Variants in IL31RA observed in about 807,000 individuals in gnomAD.
The protein encoded by IL31RA is interleukin 31 receptor A.
In IL31RA, 66 loss-of-function variants were observed where a neutral mutation model predicts 83.7. The observed-to-expected ratio is 0.79, with a 90% confidence interval of 0.65 to 0.97. IL31RA has a LOEUF of 0.97. Among genes scored for constraint, IL31RA ranks in the 50% least tolerant of loss-of-function variants. The probability of loss-of-function intolerance (pLI) is 0.00; values close to 1 mark genes in which losing one functional copy is unlikely to be tolerated. For synonymous variants in IL31RA, 325 were observed against 329.0 expected (o/e 0.99, Z 0.13); for missense variants, 798 against 919.4 (o/e 0.87, Z 1.71).
Position 55,919,386 on chromosome 5 carries a change from G to C in IL31RA, c.*2266G>C, listed in dbSNP as rs1271061937. Among the ~76,000 whole-genome samples the C allele has an allele frequency of 3.9e-5, 6 of 152,228 alleles. No homozygotes were observed. The East Asian group carries it at 1.2e-3, about 29-fold the overall frequency. On this transcript the variant is annotated 3_prime_UTR_variant, in exon 15 of 15. Transcript: ENST00000652347. ...AATGGATCCCCAATGGCTCCTGTGA[G>C]TGGATTCCAGAGATAAGGATGTTGC... is the stretch of plus-strand genomic sequence containing the variant.
chr5:55,875,554 G>A (rs1746795654), intron 4 of IL31RA, among the ~76,000 whole-genome samples: 1 of 151,828 alleles, frequency 6.6e-6, no homozygotes, highest in African/African-American at 2.4e-5. Context: ...ACCTCCCTTT[G>A]GAAGACTTAC....
chr5:55,876,647 G>A (rs1186974525), intron 4 of IL31RA, among the ~76,000 whole-genome samples: 1 of 151,814 alleles, frequency 6.6e-6, no homozygotes, highest in African/African-American at 2.4e-5. Flanking sequence ...GCTCTCTTTT[G>A]TTTACTATTT....
chr5:55,901,383 T>C (rs1177044623), intron 8 of IL31RA, among the ~76,000 whole-genome samples: 4 of 152,060 alleles, frequency 2.6e-5, no homozygotes, highest in African/African-American at 9.7e-5. Context: ...GCATGGGCTT[T>C]GGAGTCCAGC....
rs1561128642 is a variant in IL31RA, at chr5:55,916,713, AC to A, written c.1893del (p.Ser632ValfsTer5). On this transcript the variant is annotated frameshift_variant, in exon 15 of 15. Coordinates refer to ENST00000652347, the MANE Select transcript of IL31RA (RefSeq NM_139017.7). LOFTEE classifies it low-confidence loss of function (END_TRUNC). ...TEDRILKPCS[T>X]PSDKLVIDKL... ...AGACAGGATCTTAAAACCATGTTCCACCCCCAGTGACAAGTTGGTGATTGAC... is the reference window on the plus strand; with the variant it reads ...AGACAGGATCTTAAAACCATGTTCCACCCCAGTGACAAGTTGGTGATTGAC... The A allele has an allele frequency of 6.2e-7, 1 of 1,613,956 alleles. No homozygotes were observed. The highest frequency in any genetic ancestry group is 8.5e-7 in the Non-Finnish European group (1 of 1,179,974).
chr5:55,851,694 G>A (rs1442197090), intron 1 of IL31RA, 61 bp downstream of exon 1: 2 of 1,613,454 alleles, frequency 1.2e-6, no homozygotes, highest in Non-Finnish European at 1.7e-6. Context: ...TCACAAATAA[G>A]GAAGCTGTGA....
chr5:55,857,600 T>C (rs1489446549), intron 1 of IL31RA, among the ~76,000 whole-genome samples: 2 of 152,216 alleles, frequency 1.3e-5, no homozygotes, highest in South Asian at 4.1e-4. Flanking sequence ...ATACTTACTA[T>C]GTGATATATG....
intron 4 of IL31RA, among the ~76,000 whole-genome samples, chr5:55,880,187 A>G (rs1156555290): frequency 6.6e-6 from 1 of 152,254 alleles, no homozygotes; most frequent in African/African-American, 2.4e-5. Flanking sequence ...TAATATGTCT[A>G]TTGTATACAG....
At chr5:55,896,467 C>CCCCTTCCCTCCTTTCCCT in intron 7 of IL31RA, 38 bp downstream of exon 7, 3 of 1,358,770 alleles carry the variant, frequency 2.2e-6, no homozygotes, top group South Asian at 1.2e-5. Context: ...TCTCTTTCTT[C>CCCCTTCCCTCCTTTCCCT]CCCTTCCCTC....
intron 9 of IL31RA, among the ~76,000 whole-genome samples, chr5:55,906,790 G>C (rs1749185952): frequency 6.6e-6 from 1 of 152,130 alleles, no homozygotes; most frequent in South Asian, 2.1e-4. Context: ...ACAGGGTCTT[G>C]CTTGATTGCC....
rs1749862962 is a variant in IL31RA, at chr5:55,917,588, G to T, written c.*468G>T. 2.0e-5 allele frequency among the ~76,000 whole-genome samples: 3 copies of T among 152,120 alleles called. No homozygotes were observed. The South Asian group carries it at 6.2e-4, about 32-fold the overall frequency. On this transcript the variant is annotated 3_prime_UTR_variant, in exon 15 of 15. Transcript: ENST00000652347. ...GTGGTCTGGTGGGAGCCTGGGCTCT[G>T]GTCTTCCCCTACAAGGTAGCCCTGA...
chr5:55,897,945 A>G (rs571886380), intron 7 of IL31RA, among the ~76,000 whole-genome samples: 2 of 152,324 alleles, frequency 1.3e-5, no homozygotes, highest in Admixed American at 1.3e-4. Flanking sequence ...TTGCCAGATG[A>G]CATTCCAATT....
At chr5:55,867,274 TGTGCATG>T in intron 2 of IL31RA, among the ~76,000 whole-genome samples, 4 of 115,596 alleles carry the variant, frequency 3.5e-5, no homozygotes, top group Non-Finnish European at 5.1e-5. Context: ...TGTGCGTGTG[TGTGCATG>T]TGTGTGTGCA....
At chr5:55,885,600 C>T (rs1747547532) in intron 5 of IL31RA, among the ~76,000 whole-genome samples, 1 of 151,298 alleles carries the variant, frequency 6.6e-6, no homozygotes, top group Non-Finnish European at 1.5e-5. Context: ...GCGGACAAGA[C>T]CCTGGGCAGG....
intron 6 of IL31RA, 101 bp from the exon 7 acceptor site, chr5:55,896,249 C>CT (rs1280017085): frequency 5.0e-6 from 4 of 798,210 alleles, no homozygotes; most frequent in Non-Finnish European, 9.1e-6. Context: ...TTCCCAATGG[C>CT]TCCCTCAAGC....
chr5:55,849,287 C>G (rs1044768573), upstream of IL31RA, among the ~76,000 whole-genome samples: 11 of 140,528 alleles, frequency 7.8e-5, no homozygotes, highest in African/African-American at 2.9e-4. Context: ...ATTTTTTTTT[C>G]AATTTTAGAC....
At chr5:55,867,583 ATAT>A (rs1746267969) in intron 2 of IL31RA, among the ~76,000 whole-genome samples, 2 of 152,278 alleles carry the variant, frequency 1.3e-5, no homozygotes, top group South Asian at 2.1e-4. Context: ...TTTAGGTCTA[ATAT>A]TAATAATTAC....
At chr5:55,897,155 C>G (rs185309160) in intron 7 of IL31RA, among the ~76,000 whole-genome samples, 113 of 143,790 alleles carry the variant, frequency 7.9e-4, no homozygotes, top group Non-Finnish European at 7.6e-4. Context: ...CAGCCTGTTT[C>G]TTTATACTGT....
chr5:55,894,943 C>A (rs1256070292), intron 6 of IL31RA, among the ~76,000 whole-genome samples: 54 of 152,156 alleles, frequency 3.5e-4, no homozygotes, highest in Admixed American at 3.5e-3. Flanking sequence ...TCTCGAACTC[C>A]TGACCTCAAG....
chr5:55,874,025 A>C (rs10062991), intron 4 of IL31RA, among the ~76,000 whole-genome samples: 68,752 of 151,744 alleles, frequency 0.45, 15,963 homozygotes, highest in South Asian at 0.55. Context: ...CTTAGTTCCT[A>C]CATTTGAATT....
Sources: gnomAD v4.1 joint callset for allele counts (sites outside exome capture counted in the v4.1 genomes callset) on GRCh38, gnomAD v4.1.1 for gene constraint, MANE v1.5 for transcripts, NCBI Gene and HGNC (gene_info 2026-07-23, HGNC 2026-07-21) for gene names.